ITGA8: variants seen among roughly 807,000 people sequenced by gnomAD.
The protein encoded by ITGA8 is integrin subunit alpha 8.
In ITGA8, 91 loss-of-function variants were observed where a neutral mutation model predicts 142.3. The ratio of observed to expected loss-of-function variants is 0.64; its 90% CI spans 0.54 to 0.76. ITGA8 has a LOEUF of 0.76. ITGA8 is among the 30% of genes least tolerant of loss of function. The pLI is 0.00. For synonymous variants in ITGA8, 505 were observed against 485.2 expected (o/e 1.04, Z -0.54); for missense variants, 1,406 against 1,327.7 (o/e 1.06, Z -0.92).
At chr10:15,526,570 TGA>T (rs1461360761) in intron 28 of ITGA8, among the ~76,000 whole-genome samples, 1 of 152,008 alleles carries the variant, frequency 6.6e-6, no homozygotes, top group Non-Finnish European at 1.5e-5. Flanking sequence ...GGGCTTGTGA[TGA>T]GATAGTTCAG....
chr10:15,664,834 A>T (rs1251329015), intron 8 of ITGA8, among the ~76,000 whole-genome samples: 1 of 152,062 alleles, frequency 6.6e-6, no homozygotes, highest in African/African-American at 2.4e-5. Flanking sequence ...TGTCCCTACA[A>T]AGGACATGAA....
intron 2 of ITGA8, among the ~76,000 whole-genome samples, chr10:15,711,455 T>G (rs1835362442): frequency 6.6e-6 from 1 of 152,178 alleles, no homozygotes; most frequent in South Asian, 2.1e-4. Context: ...TCTCTTGCCT[T>G]CTCCATAAAG....
At chr10:15,602,752 A>G (rs553999991) in intron 20 of ITGA8, among the ~76,000 whole-genome samples, 2 of 152,142 alleles carry the variant, frequency 1.3e-5, no homozygotes, top group South Asian at 4.2e-4. Context: ...AAAAAAATAC[A>G]AGAAAGAAGA....
Position 15,671,756 on chromosome 10 carries a change from C to G in ITGA8, c.803-109G>C, listed in dbSNP as rs1025979887. The G allele has an allele frequency of 7.9e-6, 6 of 761,134 alleles. No individual in the cohort carries two copies. In the Admixed American group the frequency reaches 1.0e-4, roughly 13 times the overall value. 47.1% of individuals were successfully genotyped at this position (761,134 alleles called of 1,614,324 possible). A position where few individuals can be genotyped will look rare whatever the true frequency, so the allele number is the denominator to read the frequency against. ...CCATGGTACTGCTTTATTTAGAAAC[C>G]TCTACAAATATTATAAAAGTTAAAG... On this transcript the variant is annotated intron_variant, in intron 7 of 29. Coordinates refer to ENST00000378076, the MANE Select transcript of ITGA8 (RefSeq NM_003638.3).
At chr10:15,655,256 T>C in intron 11 of ITGA8, 98 bp downstream of exon 11, 2 of 778,778 alleles carry the variant, frequency 2.6e-6, no homozygotes, top group Non-Finnish European at 4.2e-6. Flanking sequence ...CTCTATCTTG[T>C]TGAGGCAATA....
Position 15,517,051 on chromosome 10 carries a change from G to A in ITGA8, c.*107C>T. On this transcript the variant is annotated 3_prime_UTR_variant, in exon 30 of 30. Transcript: ENST00000378076. Reference sequence around the variant, plus strand: ...GTTTCCAGGGTCCCCTCCATTTCCTGGGTCACTGTCAGGTATCAGAAAGCT... The same window carrying A: ...GTTTCCAGGGTCCCCTCCATTTCCTAGGTCACTGTCAGGTATCAGAAAGCT... 1 of 701,100 alleles carries A rather than the reference G, an allele frequency of 1.4e-6. No individual in the cohort carries two copies. Among genetic ancestry groups the A allele is most frequent in the Non-Finnish European group, 2.3e-6 (1 of 443,888 alleles). 43.4% of individuals were successfully genotyped at this position (701,100 alleles called of 1,614,324 possible). A position where few individuals can be genotyped will look rare whatever the true frequency, so the allele number is the denominator to read the frequency against.
intron 13 of ITGA8, among the ~76,000 whole-genome samples, chr10:15,641,797 C>G (rs555974002): frequency 3.2e-4 from 49 of 152,220 alleles, no homozygotes; most frequent in Non-Finnish European, 6.2e-4. Flanking sequence ...CACATGGCCT[C>G]AAGTGAATAT....
intron 22 of ITGA8, among the ~76,000 whole-genome samples, chr10:15,589,293 A>C (rs999559175): frequency 2.0e-5 from 3 of 152,162 alleles, no homozygotes; most frequent in Non-Finnish European, 1.5e-5. Context: ...AATGTCAGCA[A>C]AGATAACACA....
intron 14 of ITGA8, among the ~76,000 whole-genome samples, chr10:15,616,279 C>T (rs1833389403): frequency 6.6e-6 from 1 of 152,156 alleles, no homozygotes; most frequent in Non-Finnish European, 1.5e-5. Flanking sequence ...AGATCTGCTT[C>T]ATTTCATATC....
chr10:15,710,370 C>A (rs1187976683), intron 2 of ITGA8, among the ~76,000 whole-genome samples: 11 of 152,138 alleles, frequency 7.2e-5, no homozygotes, highest in African/African-American at 2.7e-4. Flanking sequence ...TGATTGACTA[C>A]CCACAAATAG....
chr10:15,544,256 C>T (rs1833627701), intron 27 of ITGA8, among the ~76,000 whole-genome samples: 2 of 152,058 alleles, frequency 1.3e-5, no homozygotes, highest in African/African-American at 4.8e-5. Context: ...TATGACTGCA[C>T]CACTTCACTC....
chr10:15,642,778 C>T (rs953007666), intron 13 of ITGA8, among the ~76,000 whole-genome samples: 28 of 152,200 alleles, frequency 1.8e-4, no homozygotes, highest in African/African-American at 6.0e-4. Context: ...GAATATGTTG[C>T]GGTATCCTTT....
chr10:15,593,658 A>G (rs1451634401), intron 21 of ITGA8, among the ~76,000 whole-genome samples: 2 of 152,114 alleles, frequency 1.3e-5, no homozygotes, highest in Non-Finnish European at 2.9e-5. Context: ...GCACCAGTTC[A>G]CCAGCCCTTG....
chr10:15,558,835 A>G (rs577029191), intron 25 of ITGA8, among the ~76,000 whole-genome samples: 6 of 152,304 alleles, frequency 3.9e-5, no homozygotes, highest in Middle Eastern at 3.4e-3. Flanking sequence ...TTACTATTTT[A>G]TCTCAGGTTC....
chr10:15,628,624 G>A (rs766945889), intron 13 of ITGA8, among the ~76,000 whole-genome samples: 11 of 151,670 alleles, frequency 7.3e-5, no homozygotes, highest in Non-Finnish European at 1.5e-4. Flanking sequence ...GAGCCACCGC[G>A]CCCGGCCAGA....
intron 13 of ITGA8, among the ~76,000 whole-genome samples, chr10:15,619,785 C>T (rs1289104003): frequency 6.6e-5 from 10 of 152,084 alleles, no homozygotes; most frequent in Admixed American, 6.6e-4. Flanking sequence ...TAATTACAAA[C>T]TCCAATATTT....
intron 25 of ITGA8, among the ~76,000 whole-genome samples, chr10:15,561,209 C>CTATATATATATATATATATATATATATT: frequency 8.5e-6 from 1 of 116,962 alleles, no homozygotes; most frequent in East Asian, 2.5e-4. Flanking sequence ...TATCTGTTGG[C>CTATATATATATATATATATATATATATT]TATATATATA....
intron 27 of ITGA8, among the ~76,000 whole-genome samples, chr10:15,547,339 A>C (rs1472849369): frequency 6.6e-6 from 1 of 152,188 alleles, no homozygotes; most frequent in Non-Finnish European, 1.5e-5. Context: ...TGGGAGACTG[A>C]AGCACGTGGA....
intron 13 of ITGA8, among the ~76,000 whole-genome samples, chr10:15,624,821 C>T (rs563579935): frequency 4.6e-5 from 7 of 152,220 alleles, no homozygotes; most frequent in African/African-American, 1.7e-4. Context: ...TAAGAGAATT[C>T]GAGATAATGT....
Sources: allele counts gnomAD v4.1 joint callset (sites outside exome capture counted in the v4.1 genomes callset), GRCh38; gene constraint gnomAD v4.1.1; transcripts MANE v1.5; gene names NCBI Gene and HGNC (gene_info 2026-07-23, HGNC 2026-07-21).